Variants in SCARA3 observed in about 807,000 individuals in gnomAD.
The protein encoded by SCARA3 is cellular stress response gene protein.
SCARA3 carries 39 observed loss-of-function variants against 47.0 expected under a neutral mutation model. The ratio of observed to expected loss-of-function variants is 0.83; its 90% CI spans 0.64 to 1.08. SCARA3 has a LOEUF of 1.08. Among genes scored for constraint, SCARA3 ranks in the 50% least tolerant of loss-of-function variants. The pLI, the probability that SCARA3 is intolerant of heterozygous loss-of-function variation, is 0.00. For missense variants in SCARA3, 724 were observed against 792.3 expected, an observed-to-expected ratio of 0.91 and a Z score of 1.04; for synonymous variants, 356 against 334.1, an observed-to-expected ratio of 1.07 and a Z score of -0.71.
chr8:27,699,922 T>C, the SCARA3 span, among the ~76,000 whole-genome samples: 1 of 152,226 alleles, frequency 6.6e-6, no homozygotes, highest in Non-Finnish European at 1.5e-5. Flanking sequence ...ATCAATTGAT[T>C]TTCCCCAAAG....
At chr8:27,636,226 T>C (rs1300249672) in intron 1 of SCARA3, among the ~76,000 whole-genome samples, 1 of 152,184 alleles carries the variant, frequency 6.6e-6, no homozygotes, top group Non-Finnish European at 1.5e-5. Context: ...CCCTGGACCT[T>C]GATGATGGTG....
the SCARA3 span, among the ~76,000 whole-genome samples, chr8:27,682,189 T>TA: frequency 6.6e-6 from 1 of 152,118 alleles, no homozygotes; most frequent in Non-Finnish European, 1.5e-5. Context: ...AAGAAATTCT[T>TA]AAAAAATGGT....
At chr8:27,699,009 C>G in the SCARA3 span, among the ~76,000 whole-genome samples, 2 of 151,572 alleles carry the variant, frequency 1.3e-5, no homozygotes, top group Non-Finnish European at 2.9e-5. Flanking sequence ...CTCTGGGAGG[C>G]CGAGGCAGGT....
At chr8:27,661,613 G>C (rs746476788) in intron 5 of SCARA3, among the ~76,000 whole-genome samples, 40 of 152,162 alleles carry the variant, frequency 2.6e-4, no homozygotes, top group South Asian at 6.2e-4. Flanking sequence ...TAAAATATAA[G>C]GAGGACATAC....
Position 27,671,911 on chromosome 8 carries a change from C to A in SCARA3, c.*560C>A, listed in dbSNP as rs1384945909. On this transcript the variant is annotated 3_prime_UTR_variant, in exon 6 of 6. Transcript: ENST00000301904. ...GAGAGGGCAGAGGAAGACCCCCTCT[C>A]CTGTGACTGAGCCTGCCAGGGAGGC... The A allele has an allele frequency of 1.3e-5, 13 of 985,318 alleles. No individual in the cohort carries two copies. The highest frequency in any genetic ancestry group is 1.7e-5 in the African/African-American group (1 of 57,242). 61.0% of individuals were successfully genotyped at this position (985,318 alleles called of 1,614,324 possible).
downstream of SCARA3, among the ~76,000 whole-genome samples, chr8:27,680,920 G>GA (rs1414818288): frequency 2.6e-5 from 4 of 152,244 alleles, no homozygotes; most frequent in South Asian, 8.3e-4. Context: ...AATAACTGCA[G>GA]AAAAAATAAT....
At chr8:27,727,607 A>G in the SCARA3 span, among the ~76,000 whole-genome samples, 1 of 152,248 alleles carries the variant, frequency 6.6e-6, no homozygotes. Flanking sequence ...GCTCCGAGCC[A>G]GAGCTCTCCA....
the SCARA3 span, among the ~76,000 whole-genome samples, chr8:27,726,363 G>A: frequency 7.2e-5 from 11 of 152,148 alleles, no homozygotes; most frequent in African/African-American, 2.4e-4. Context: ...CTATGATTGC[G>A]CCACTGCTCT....
the SCARA3 span, among the ~76,000 whole-genome samples, chr8:27,689,515 A>C: frequency 1.3e-5 from 2 of 152,332 alleles, no homozygotes; most frequent in East Asian, 3.9e-4. Context: ...TCCCCACAGC[A>C]CAGAGAGCAG....
the SCARA3 span, chr8:27,702,164 C>T: frequency 2.0e-5 from 3 of 152,160 alleles, no homozygotes; most frequent in African/African-American, 4.8e-5. Flanking sequence ...CTGCCTAGGG[C>T]GCCAGCCTCT....
chr8:27,716,366 A>C, the SCARA3 span, among the ~76,000 whole-genome samples: 1 of 151,888 alleles, frequency 6.6e-6, no homozygotes, highest in Non-Finnish European at 1.5e-5. Context: ...TGAAGAAATG[A>C]CTGGTCCCAG....
the SCARA3 span, among the ~76,000 whole-genome samples, chr8:27,729,382 T>C: frequency 6.6e-6 from 1 of 152,156 alleles, no homozygotes. Flanking sequence ...CTCCCACAGG[T>C]GTTACCTGCC....
the SCARA3 span, among the ~76,000 whole-genome samples, chr8:27,725,163 C>G: frequency 6.6e-6 from 1 of 151,928 alleles, no homozygotes. Context: ...AACAAACAAA[C>G]AAACAAAAAC....
chr8:27,714,961 C>T, the SCARA3 span, among the ~76,000 whole-genome samples: 1 of 152,024 alleles, frequency 6.6e-6, no homozygotes. Context: ...GCTCTGTTGC[C>T]CAGTCTGGAG....
chr8:27,674,340 G>T (rs1802229893), downstream of SCARA3, among the ~76,000 whole-genome samples: 1 of 152,198 alleles, frequency 6.6e-6, no homozygotes, highest in South Asian at 2.1e-4. Context: ...TGCCTCGGTG[G>T]CCATGGAAAC....
chr8:27,718,501 T>C, the SCARA3 span, among the ~76,000 whole-genome samples: 2 of 152,242 alleles, frequency 1.3e-5, no homozygotes, highest in African/African-American at 4.8e-5. Flanking sequence ...AGACCCCCAG[T>C]GCCCAGAAGT....
intron 5 of SCARA3, among the ~76,000 whole-genome samples, chr8:27,665,015 C>T (rs938574720): frequency 3.3e-5 from 5 of 152,216 alleles, no homozygotes. Flanking sequence ...ATTCATTCAT[C>T]CAGAGACAGG....
intron 1 of SCARA3, among the ~76,000 whole-genome samples, chr8:27,640,511 C>T (rs745398887): frequency 2.0e-4 from 31 of 152,106 alleles, no homozygotes; most frequent in Admixed American, 6.5e-4. Context: ...TCCCAAGTAG[C>T]TGGGACTATA....
the SCARA3 span, among the ~76,000 whole-genome samples, chr8:27,715,327 C>T: frequency 0.01 from 1,524 of 152,136 alleles, 33 homozygotes; most frequent in African/African-American, 0.035. The surrounding 1 kb of genome is among the most constrained non-coding windows in gnomAD (Gnocchi z 4.2). Context: ...AATATATATA[C>T]TCATTGGACC....
Sources: allele counts gnomAD v4.1 joint callset (sites outside exome capture counted in the v4.1 genomes callset), GRCh38; gene constraint gnomAD v4.1.1; non-coding constraint Gnocchi (gnomAD v3.1); transcripts MANE v1.5; gene names NCBI Gene and HGNC (gene_info 2026-07-23, HGNC 2026-07-21).